Variants in TNFRSF1B observed in about 807,000 individuals in gnomAD.
TNFRSF1B encodes TNF receptor superfamily member 1B.
In TNFRSF1B, 19 loss-of-function variants were observed where a neutral mutation model predicts 44.6. That is an observed-to-expected ratio of 0.43 (90% CI 0.30 to 0.62). TNFRSF1B has a LOEUF of 0.62. TNFRSF1B is among the 20% of genes least tolerant of loss of function. TNFRSF1B has a pLI of 0.16. For missense variants in TNFRSF1B, 541 were observed against 619.9 expected, an observed-to-expected ratio of 0.87 and a Z score of 1.35; for synonymous variants, 252 against 261.1, an observed-to-expected ratio of 0.97 and a Z score of 0.34.
chr1:12,183,615 G>A (rs569054936), intron 1 of TNFRSF1B, among the ~76,000 whole-genome samples: 4 of 116,134 alleles, frequency 3.4e-5, no homozygotes, highest in African/African-American at 8.2e-5. Context: ...CTATCTATCT[G>A]TTTGTCTGTC....
At chr1:12,176,350 C>A (rs1219592041) in intron 1 of TNFRSF1B, among the ~76,000 whole-genome samples, 1 of 152,172 alleles carries the variant, frequency 6.6e-6, no homozygotes, top group East Asian at 1.9e-4. Flanking sequence ...AAGTTTAGGG[C>A]CAGTTTATGG....
At position 12,177,662 on chromosome 1, in the gene TNFRSF1B, G is replaced by A. The variant is rs1638691685; in HGVS notation, c.78+10493G>A. On this transcript the variant is annotated intron_variant, in intron 1 of 9. Transcript: ENST00000376259. This position sits in a 1 kb window ranked among gnomAD's most constrained non-coding sequence, Gnocchi z 4.3. ...CAGGGCACAGAGAGCCGAGGGCTAA[G>A]AGCTGACATTTAGCCTGGCTACTCA... Among the ~76,000 whole-genome samples the A allele has an allele frequency of 6.6e-6, 1 of 152,136 alleles. No individual in the cohort carries two copies. Among genetic ancestry groups the A allele is most frequent in the African/African-American group, 2.4e-5 (1 of 41,426 alleles).
At chr1:12,202,355 C>T (rs545038700) in intron 9 of TNFRSF1B, among the ~76,000 whole-genome samples, 184 bp downstream of exon 9, 2 of 152,368 alleles carry the variant, frequency 1.3e-5, no homozygotes, top group South Asian at 4.1e-4. Flanking sequence ...GGGCCTATCA[C>T]CTCAAAATCC....
At position 12,192,987 on chromosome 1, in the gene TNFRSF1B, C is replaced by A. The variant is rs773695049; in HGVS notation, c.676C>A (p.His226Asn). ...LPQPVSTRSQ[H>N]TQPTPEPSTA... ...CCAGCCAGTGTCCACACGATCCCAACACACGCAGCCAACTCCAGAACCCAG... is the reference window on the plus strand; with the variant it reads ...CCAGCCAGTGTCCACACGATCCCAAAACACGCAGCCAACTCCAGAACCCAG... Residue 226 changes from histidine (H) to asparagine (N), a missense_variant, in exon 6 of 10, where the codon CAC (histidine) becomes AAC (asparagine). His to Asn is a moderately conservative substitution (Grantham distance 68). Transcript: ENST00000376259. The A allele has an allele frequency of 6.2e-7, 1 of 1,614,216 alleles. No homozygotes were observed. The highest frequency in any genetic ancestry group is 2.2e-5 in the East Asian group (1 of 44,880).
chr1:12,170,830 C>G (rs1384262670), intron 1 of TNFRSF1B, among the ~76,000 whole-genome samples: 1 of 151,078 alleles, frequency 6.6e-6, no homozygotes, highest in East Asian at 1.9e-4. Flanking sequence ...CCATGCCCAA[C>G]TAATTTTTTT....
chr1:12,192,789 G>A (rs559822776), intron 5 of TNFRSF1B, 74 bp from the exon 6 acceptor site: 2 of 1,300,002 alleles, frequency 1.5e-6, no homozygotes, highest in Non-Finnish European at 2.1e-6. Context: ...GCCTGCTGGG[G>A]CCCGTGAATG....
intron 2 of TNFRSF1B, among the ~76,000 whole-genome samples, chr1:12,189,203 A>G (rs765522682): frequency 3.3e-5 from 5 of 152,152 alleles, no homozygotes; most frequent in Admixed American, 6.5e-5. Context: ...AGCCTAAATT[A>G]GCTCCTGGGG....
rs1449393144 is a variant in TNFRSF1B, at chr1:12,180,455, G to A, written c.79-8341G>A. Among the ~76,000 whole-genome samples the A allele has an allele frequency of 6.6e-6, 1 of 152,162 alleles. No homozygotes were observed. The highest frequency in any genetic ancestry group is 2.4e-5 in the African/African-American group (1 of 41,432). On this transcript the variant is annotated intron_variant, in intron 1 of 9. Coordinates refer to ENST00000376259, the MANE Select transcript of TNFRSF1B (RefSeq NM_001066.3). The surrounding 1 kb of genome is among the most constrained non-coding windows in gnomAD (Gnocchi z 4.3). ...GAAGGCATTGAGGGCCCCCACCTCGGGTACTTGCAGGGCCTTGGCCTGGGA... is the reference window on the plus strand; with the variant it reads ...GAAGGCATTGAGGGCCCCCACCTCGAGTACTTGCAGGGCCTTGGCCTGGGA...
intron 3 of TNFRSF1B, 138 bp from the exon 4 acceptor site, chr1:12,191,636 G>A: frequency 2.0e-6 from 2 of 1,018,688 alleles, no homozygotes; most frequent in Non-Finnish European, 3.0e-6. Flanking sequence ...ACTCTGGCCG[G>A]TGTTGTGTGT....
At chr1:12,175,203 T>C (rs1156537684) in intron 1 of TNFRSF1B, among the ~76,000 whole-genome samples, 2 of 152,190 alleles carry the variant, frequency 1.3e-5, no homozygotes, top group African/African-American at 2.4e-5. Context: ...GGGCGGGGCC[T>C]GGGGCTGGGA....
rs1638531307 is a variant in TNFRSF1B at position 12,171,893 on chromosome 1, T to C, written c.78+4724T>C. Among the ~76,000 whole-genome samples, 1 of 152,174 alleles carries C rather than the reference T, an allele frequency of 6.6e-6. No individual in the cohort carries two copies. ...TGTTCAAAAAATATTCATCTGACCT[T>C]GACCTTGATAATGGCCCTGTTTTAC... On this transcript the variant is annotated intron_variant, in intron 1 of 9. Coordinates refer to ENST00000376259, the MANE Select transcript of TNFRSF1B (RefSeq NM_001066.3). The surrounding 1 kb of genome is among the most constrained non-coding windows in gnomAD (Gnocchi z 4.5).
chr1:12,197,935 C>T (rs558360868), intron 8 of TNFRSF1B, among the ~76,000 whole-genome samples: 1 of 152,094 alleles, frequency 6.6e-6, no homozygotes, highest in South Asian at 2.1e-4. Flanking sequence ...ACCATCCTGG[C>T]TAACACAGTG....
chr1:12,181,314 T>A (rs763724795), intron 1 of TNFRSF1B, among the ~76,000 whole-genome samples: 2 of 152,166 alleles, frequency 1.3e-5, no homozygotes, highest in Non-Finnish European at 2.9e-5. Flanking sequence ...TTCTGTAACA[T>A]GGGTCTATGA....
At chr1:12,175,420 T>C (rs1179396560) in intron 1 of TNFRSF1B, among the ~76,000 whole-genome samples, 1 of 152,194 alleles carries the variant, frequency 6.6e-6, no homozygotes, top group Non-Finnish European at 1.5e-5. Flanking sequence ...GGCCCAGGTG[T>C]GGTCCAGCTG....
rs1356169664 is a variant in TNFRSF1B at position 12,207,273 on chromosome 1, G to A, written c.*253G>A. 2 of 406,908 alleles carry A rather than the reference G, an allele frequency of 4.9e-6. No individual in the cohort carries two copies. The highest frequency in any genetic ancestry group is 4.1e-5 in the African/African-American group (2 of 48,940). The allele number at this position is 406,908 out of a possible 1,614,324, so 25.2% of individuals were successfully genotyped here. ...GAAGGCTGGCTGGGCATGGACGTTC[G>A]GGGCATGCTGGGGCAAGTCCCTGAC... On this transcript the variant is annotated 3_prime_UTR_variant, in exon 10 of 10. Coordinates refer to ENST00000376259, the MANE Select transcript of TNFRSF1B (RefSeq NM_001066.3).
chr1:12,193,475 A>T (rs1176998689), intron 6 of TNFRSF1B, among the ~76,000 whole-genome samples: 1 of 152,216 alleles, frequency 6.6e-6, no homozygotes, highest in Non-Finnish European at 1.5e-5. Flanking sequence ...CAGGAGGCTG[A>T]GGTGGGAGGA....
intron 5 of TNFRSF1B, 114 bp downstream of exon 5, chr1:12,192,638 T>G: frequency 8.8e-7 from 1 of 1,135,098 alleles, no homozygotes; most frequent in Admixed American, 1.8e-5. Context: ...CTGCTTTATC[T>G]GAGGGTGGCT....
At chr1:12,198,220 C>T (rs972416039) in intron 8 of TNFRSF1B, among the ~76,000 whole-genome samples, 3 of 151,960 alleles carry the variant, frequency 2.0e-5, no homozygotes, top group East Asian at 1.9e-4. Flanking sequence ...ATAACAGGTG[C>T]GAACATTTAT....
chr1:12,173,657 G>A (rs1279353882), intron 1 of TNFRSF1B, among the ~76,000 whole-genome samples: 1 of 152,230 alleles, frequency 6.6e-6, no homozygotes, highest in African/African-American at 2.4e-5. Context: ...AGGAAGCCTT[G>A]AGCAGGAAGG....
Sources: gnomAD v4.1 joint callset for allele counts (sites outside exome capture counted in the v4.1 genomes callset) on GRCh38, gnomAD v4.1.1 for gene constraint, Gnocchi (gnomAD v3.1) non-coding constraint, MANE v1.5 for transcripts, NCBI Gene and HGNC (gene_info 2026-07-23, HGNC 2026-07-21) for gene names.